The following ZBTB17 variants were observed in gnomAD, a reference collection of about 807,000 sequenced individuals.
ZBTB17 encodes zinc finger and BTB domain-containing protein 17.
ZBTB17 carries 24 observed loss-of-function variants against 85.1 expected under a neutral mutation model. The ratio of observed to expected loss-of-function variants is 0.28; its 90% CI spans 0.20 to 0.40. The LOEUF is 0.40. ZBTB17 is among the 10% of genes least tolerant of loss of function. ZBTB17 has a pLI of 1.00. For missense variants in ZBTB17, 743 were observed against 1,105.1 expected, an observed-to-expected ratio of 0.67 and a Z score of 4.65; for synonymous variants, 464 against 460.2, an observed-to-expected ratio of 1.01 and a Z score of -0.11.
At chr1:15,943,276 C>A in intron 12 of ZBTB17, 82 bp from the exon 13 acceptor site, 1 of 1,606,166 alleles carries the variant, frequency 6.2e-7, no homozygotes, top group South Asian at 1.1e-5. Flanking sequence ...AAAAGGACCC[C>A]TAGGACCAGA....
Position 15,951,925 on chromosome 1 carries a change from G to A in ZBTB17, c.-2-3428C>T, listed in dbSNP as rs1381007030. 1.3e-5 allele frequency among the ~76,000 whole-genome samples: 2 copies of A among 152,044 alleles called. No individual in the cohort carries two copies. The highest frequency in any genetic ancestry group is 6.6e-5 in the Admixed American group (1 of 15,250). ...GCTGCTCCCCATCGCCCCCAGATGT[G>A]CGGGAACACAGGGTGAAGAAATACT... is the stretch of plus-strand genomic sequence containing the variant. On this transcript the variant is annotated intron_variant, in intron 2 of 15. Coordinates refer to ENST00000375743, the MANE Select transcript of ZBTB17 (RefSeq NM_003443.3). The surrounding 1 kb of genome is among the most constrained non-coding windows in gnomAD (Gnocchi z 4.1).
In ZBTB17 at chr1:15,942,317, G is replaced by A. The variant is rs756833619; in HGVS notation, c.2128+14C>T. On this transcript the variant is annotated intron_variant, in intron 15 of 15. Coordinates refer to ENST00000375743, the MANE Select transcript of ZBTB17 (RefSeq NM_003443.3). ...GGGCTCTGCCCACATTCACACCCGG[G>A]TGGCCCCCCTCACCTTCTTCCTGCA... is the stretch of plus-strand genomic sequence containing the variant. 9.6e-5 allele frequency: 155 copies of A among 1,613,858 alleles called. No homozygotes were observed. Among genetic ancestry groups the A allele is most frequent in the Non-Finnish European group, 1.3e-4 (154 of 1,180,028 alleles).
rs183012435 is a variant in ZBTB17 at position 15,963,442 on chromosome 1, T to G, written c.-3+9597A>C. On this transcript the variant is annotated intron_variant, in intron 2 of 15. Transcript: ENST00000375743. ...CAAGGGTTGAAATCCAGAGAGCAAG[T>G]GGAGCTTTGAAACCAGGTTTCAAGA... Among the ~76,000 whole-genome samples, 7 of 152,282 alleles carry G rather than the reference T, an allele frequency of 4.6e-5. No individual in the cohort carries two copies. The East Asian group carries it at 1.3e-3, about 29-fold the overall frequency.
chr1:15,945,915 G>A (rs562922573), intron 5 of ZBTB17, 75 bp from the exon 6 acceptor site: 6 of 1,562,856 alleles, frequency 3.8e-6, no homozygotes, highest in South Asian at 1.2e-5. Context: ...GGACCAGCGC[G>A]CTGGTGGTGG....
chr1:15,968,692 C>G (rs890148526), intron 2 of ZBTB17, among the ~76,000 whole-genome samples: 1 of 152,168 alleles, frequency 6.6e-6, no homozygotes. Context: ...GGTTTGATGA[C>G]TTTAATTAGA....
chr1:15,964,832 C>G lies in ZBTB17; in HGVS notation c.-3+8207G>C, dbSNP rs2072382245. Among the ~76,000 whole-genome samples, 3 of 151,826 alleles carry G rather than the reference C, an allele frequency of 2.0e-5. No individual in the cohort carries two copies. The highest frequency in any genetic ancestry group is 7.3e-5 in the African/African-American group (3 of 41,330). On this transcript the variant is annotated intron_variant, in intron 2 of 15. Transcript: ENST00000375743. This position sits in a 1 kb window ranked among gnomAD's most constrained non-coding sequence, Gnocchi z 4.3. ...GTCAGTGTGGTATTTAAACAGAGAACAGGCCGGGCACGGTGGCTCACGCCT... is the reference window on the plus strand; with the variant it reads ...GTCAGTGTGGTATTTAAACAGAGAAGAGGCCGGGCACGGTGGCTCACGCCT...
Position 15,945,757 on chromosome 1 carries a change from C to G in ZBTB17, c.619G>C (p.Ala207Pro). ...GACAAAGCGGCCTCAGCTTCTGCAG[C>G]AGCCATGCCACTCGTGGGGTCTGGC... ...LKPDPTSGMA[A>P]AEAEAALSES... The change falls in exon 6 of 16, where the codon GCT (alanine) becomes CCT (proline). Residue 207 changes from alanine to proline, a missense_variant. By Grantham distance (27) the Ala-to-Pro change is conservative. Around this residue, in one of 4 missense-constraint regions of ZBTB17, gnomAD observed 279 missense variants for 269.9 expected, o/e 1.03. Transcript: ENST00000375743. 6.2e-7 allele frequency: 1 copy of G among 1,606,566 alleles called. No homozygotes were observed. The highest frequency in any genetic ancestry group is 8.5e-7 in the Non-Finnish European group (1 of 1,179,826).
chr1:15,972,776 A>G (rs2072732348), intron 2 of ZBTB17, among the ~76,000 whole-genome samples: 1 of 152,184 alleles, frequency 6.6e-6, no homozygotes, highest in Admixed American at 6.5e-5. Flanking sequence ...GCAAGGAATA[A>G]ACTTCTGTTT....
chr1:15,961,421 G>T (rs2072253719), intron 2 of ZBTB17, among the ~76,000 whole-genome samples: 1 of 152,162 alleles, frequency 6.6e-6, no homozygotes, highest in African/African-American at 2.4e-5. Context: ...AACTTCACTG[G>T]GAAAAAACTA....
intron 2 of ZBTB17, among the ~76,000 whole-genome samples, chr1:15,972,433 C>A (rs564942242): frequency 2.0e-5 from 3 of 152,310 alleles, no homozygotes; most frequent in Admixed American, 6.5e-5. Context: ...AGCTTTTTCT[C>A]CAGCACTGAA....
At chr1:15,943,926 C>T in intron 9 of ZBTB17, 31 bp from the exon 10 acceptor site, 1 of 1,563,116 alleles carries the variant, frequency 6.4e-7, no homozygotes, top group Non-Finnish European at 8.7e-7. Flanking sequence ...GGGGGGCCAC[C>T]CCACAGAGCT....
intron 1 of ZBTB17, among the ~76,000 whole-genome samples, chr1:15,974,467 C>T (rs1466197982): frequency 1.3e-5 from 2 of 151,498 alleles, no homozygotes; most frequent in Non-Finnish European, 2.9e-5. Context: ...AGCCACCGCA[C>T]CTGGCCACAG....
Position 15,943,695 on chromosome 1 carries a change from G to T in ZBTB17, c.1480C>A (p.Arg494=), listed in dbSNP as rs1483395155. The T allele has an allele frequency of 2.5e-6, 4 of 1,613,188 alleles. No individual in the cohort carries two copies. The highest frequency in any genetic ancestry group is 3.4e-6 in the Non-Finnish European group (4 of 1,179,964). The change falls in exon 11 of 16, where the codon CGG becomes AGG. Residue 494 remains arginine (R), a synonymous_variant. Transcript: ENST00000375743. The stretch of plus-strand genomic sequence containing the variant: ...TAGGGCTTCTCCCCGCTGTGGATCC[G>T]AAGGTGCCGCTTCAGGTTCCCTGTG... ...TTSGNLKRHL[R]IHSGEKPYVC...
intron 1 of ZBTB17, 100 bp downstream of exon 1, chr1:15,975,883 C>T (rs2072862455): frequency 3.0e-6 from 2 of 674,860 alleles, no homozygotes; most frequent in South Asian, 1.6e-5. Context: ...CCTCCCCTCC[C>T]CCACACAACC....
chr1:15,944,929 T>C lies in ZBTB17; in HGVS notation c.927+8A>G. The C allele has an allele frequency of 6.4e-7, 1 of 1,569,426 alleles. No homozygotes were observed. The highest frequency in any genetic ancestry group is 8.6e-7 in the Non-Finnish European group (1 of 1,159,236). On this transcript the variant is annotated splice_region_variant and intron_variant, in intron 7 of 15. Transcript: ENST00000375743. The stretch of plus-strand genomic sequence containing the variant: ...CTGGCTGGGAGGGCTGGCCATAGTC[T>C]CCCTCACCTCGCACTTGTGGATGAC...
chr1:15,962,674 C>T (rs909829548), intron 2 of ZBTB17, among the ~76,000 whole-genome samples: 2 of 152,148 alleles, frequency 1.3e-5, no homozygotes, highest in Non-Finnish European at 2.9e-5. Flanking sequence ...AACAGAATAC[C>T]GGGTTCAACA....
intron 2 of ZBTB17, among the ~76,000 whole-genome samples, chr1:15,969,355 G>A (rs1475965890): frequency 6.6e-6 from 1 of 152,080 alleles, no homozygotes; most frequent in African/African-American, 2.4e-5. Context: ...CATAATAAAT[G>A]TAAGGTGTTT....
intron 1 of ZBTB17, 133 bp downstream of exon 1, chr1:15,975,850 C>G: frequency 5.0e-6 from 3 of 598,970 alleles, no homozygotes; most frequent in South Asian, 1.9e-5. Context: ...CCCTCAGCCC[C>G]GGTTGGCGTC....
At chr1:15,958,427 A>C (rs1279578564) in intron 2 of ZBTB17, among the ~76,000 whole-genome samples, 7 of 151,796 alleles carry the variant, frequency 4.6e-5, no homozygotes, top group Non-Finnish European at 1.0e-4. Context: ...AAAAAAAAAA[A>C]AAAAAAACAC....
Sources: gnomAD v4.1 joint callset for allele counts (sites outside exome capture counted in the v4.1 genomes callset) on GRCh38, gnomAD v4.1.1 for gene constraint, gnomAD v4.1.1 regional missense constraint, Gnocchi (gnomAD v3.1) non-coding constraint, MANE v1.5 for transcripts, NCBI Gene and HGNC (gene_info 2026-07-23, HGNC 2026-07-21) for gene names.